Variants in KIAA1217 observed in about 807,000 individuals in gnomAD.
The protein encoded by KIAA1217 is sickle tail protein homolog.
Under a neutral mutation model 163.9 loss-of-function variants are expected in KIAA1217, and 88 were observed. The ratio of observed to expected loss-of-function variants is 0.54; its 90% CI spans 0.45 to 0.64. KIAA1217 has a LOEUF of 0.64. Among genes scored for constraint, KIAA1217 ranks in the 30% least tolerant of loss-of-function variants. The pLI, the probability that KIAA1217 is intolerant of heterozygous loss-of-function variation, is 0.00. For synonymous variants in KIAA1217, 903 were observed against 923.1 expected (o/e 0.98, Z 0.39); for missense variants, 2,372 against 2,475.0 (o/e 0.96, Z 0.88).
chr10:23,902,200 C>G (rs562246579), intron 1 of KIAA1217, among the ~76,000 whole-genome samples: 19 of 152,064 alleles, frequency 1.2e-4, no homozygotes, highest in South Asian at 1.2e-3. Context: ...TAAAAAGGAA[C>G]AAGATTATGT....
intron 1 of KIAA1217, among the ~76,000 whole-genome samples, chr10:23,871,736 C>A (rs1427277251): frequency 6.6e-6 from 1 of 152,084 alleles, no homozygotes; most frequent in African/African-American, 2.4e-5. Context: ...GTACTGACGT[C>A]TTTTCAAGAC....
chr10:24,183,399 A>G (rs1224858421), intron 2 of KIAA1217, among the ~76,000 whole-genome samples: 2 of 152,140 alleles, frequency 1.3e-5, no homozygotes, highest in African/African-American at 4.8e-5. Context: ...TTTTCTTCTG[A>G]TTGTCCTTCC....
At chr10:24,061,107 T>C (rs1020887009) in intron 2 of KIAA1217, among the ~76,000 whole-genome samples, 27 of 152,192 alleles carry the variant, frequency 1.8e-4, no homozygotes, top group Admixed American at 1.4e-3. Flanking sequence ...TTTTGTTGAT[T>C]TTTAAAAAAT....
chr10:23,745,465 G>A (rs12260207), intron 1 of KIAA1217, among the ~76,000 whole-genome samples: 9,692 of 152,134 alleles, frequency 0.064, 560 homozygotes, highest in African/African-American at 0.14. Flanking sequence ...GAAATTGGTC[G>A]TAACTTTTTC....
chr10:23,759,895 A>G (rs146373801), intron 1 of KIAA1217, among the ~76,000 whole-genome samples: 2 of 152,320 alleles, frequency 1.3e-5, no homozygotes, highest in East Asian at 3.9e-4. Context: ...CATCATGAGT[A>G]TGAAGAGTGC....
chr10:23,854,288 G>T (rs1288166082), intron 1 of KIAA1217, among the ~76,000 whole-genome samples: 2 of 152,128 alleles, frequency 1.3e-5, no homozygotes, highest in Admixed American at 6.5e-5. Flanking sequence ...AGTCATTCAG[G>T]AGCAGGTTGT....
chr10:24,336,781 A>C (rs544851484), intron 2 of KIAA1217, among the ~76,000 whole-genome samples: 14 of 152,330 alleles, frequency 9.2e-5, no homozygotes, highest in African/African-American at 3.1e-4. Context: ...AATTATTTTC[A>C]ACAACAGTGC....
intron 1 of KIAA1217, among the ~76,000 whole-genome samples, chr10:23,919,027 T>C (rs1325361571): frequency 6.6e-6 from 1 of 152,130 alleles, no homozygotes; most frequent in Non-Finnish European, 1.5e-5. Flanking sequence ...TGGTCACAGA[T>C]ACAGATGACT....
intron 2 of KIAA1217, among the ~76,000 whole-genome samples, chr10:24,145,716 G>T (rs535375613): frequency 6.6e-6 from 1 of 152,344 alleles, no homozygotes; most frequent in African/African-American, 2.4e-5. Context: ...TGTGGCCGAA[G>T]GCCCGAGAGC....
chr10:23,993,661 T>C (rs1218700483), intron 1 of KIAA1217, among the ~76,000 whole-genome samples: 1 of 149,324 alleles, frequency 6.7e-6, no homozygotes, highest in South Asian at 2.1e-4. Context: ...GTTCAAGTGA[T>C]TCTCCTACCT....
Position 24,155,051 on chromosome 10 carries a change from A to G in KIAA1217, c.-170-64575A>G, listed in dbSNP as rs569557801. 1.1e-3 allele frequency among the ~76,000 whole-genome samples: 171 copies of G among 152,274 alleles called. 1 individual carries two copies. In the South Asian group the frequency reaches 0.033, roughly 29 times the overall value. ...GCAAGATAAAAAGAGTTCTGGAGAT[A>G]GGTGATGGCGATGGTTGCAGATGAG... On this transcript the variant is annotated intron_variant, in intron 2 of 18. Coordinates refer to the KIAA1217 transcript ENST00000376462.
At chr10:24,179,346 C>T (rs1287701198) in intron 2 of KIAA1217, among the ~76,000 whole-genome samples, 2 of 151,810 alleles carry the variant, frequency 1.3e-5, no homozygotes, top group Non-Finnish European at 2.9e-5. Flanking sequence ...TAGCACCATC[C>T]CCCCAGTCCT....
chr10:23,742,993 C>T (rs536126727), intron 1 of KIAA1217, among the ~76,000 whole-genome samples: 178 of 152,244 alleles, frequency 1.2e-3, no homozygotes, highest in African/African-American at 4.1e-3. Flanking sequence ...GCTGCCCAAA[C>T]CTGTTCTGCC....
At chr10:23,808,432 T>C (rs893287641) in intron 1 of KIAA1217, among the ~76,000 whole-genome samples, 15 of 152,174 alleles carry the variant, frequency 9.9e-5, no homozygotes, top group African/African-American at 3.4e-4. Context: ...AGAAAAACCA[T>C]AGGATTGTTG....
chr10:24,005,236 A>G (rs1490750523), intron 1 of KIAA1217, among the ~76,000 whole-genome samples: 1 of 152,188 alleles, frequency 6.6e-6, no homozygotes, highest in African/African-American at 2.4e-5. Context: ...TCCTGAGGAT[A>G]ACATGAGATA....
chr10:24,004,697 T>C (rs76246577), intron 1 of KIAA1217, among the ~76,000 whole-genome samples: 1,841 of 152,366 alleles, frequency 0.012, 19 homozygotes, highest in Non-Finnish European at 0.02. Flanking sequence ...GCACAAATTG[T>C]CTGCCTTCTC....
At chr10:24,353,169 G>A (rs1370712856) in intron 2 of KIAA1217, among the ~76,000 whole-genome samples, 1 of 152,088 alleles carries the variant, frequency 6.6e-6, no homozygotes, top group Non-Finnish European at 1.5e-5. Context: ...GCAAAGGACA[G>A]GAGATAGAGC....
At chr10:24,190,149 G>T (rs991661306) in intron 2 of KIAA1217, among the ~76,000 whole-genome samples, 1 of 152,044 alleles carries the variant, frequency 6.6e-6, no homozygotes, top group East Asian at 1.9e-4. Flanking sequence ...TGCGGCAGGC[G>T]TTTCCCCTTG....
In KIAA1217 at chr10:24,380,856, A is replaced by G; in HGVS notation, c.355-13A>G. 1 of 1,492,510 alleles carries G rather than the reference A, an allele frequency of 6.7e-7. No individual in the cohort carries two copies. The highest frequency in any genetic ancestry group is 8.9e-7 in the Non-Finnish European group (1 of 1,117,990). 92.5% of individuals were successfully genotyped at this position (1,492,510 alleles called of 1,614,324 possible). On this transcript the variant is annotated splice_polypyrimidine_tract_variant and intron_variant, in intron 2 of 20. Transcript: ENST00000376454. ...AGTCTATTTTCCCACTTTCTTTAAA[A>G]TGCCTTTTGCAGACAAGGAGCCCCA...
Sources: gnomAD v4.1 joint callset for allele counts (sites outside exome capture counted in the v4.1 genomes callset) on GRCh38, gnomAD v4.1.1 for gene constraint, MANE v1.5 for transcripts, NCBI Gene and HGNC (gene_info 2026-07-23, HGNC 2026-07-21) for gene names.